Variants in CNTN5 observed in about 807,000 individuals in gnomAD.
CNTN5 encodes the protein contactin-5.
CNTN5 carries 77 observed loss-of-function variants against 129.1 expected under a neutral mutation model. The observed-to-expected ratio is 0.60, with a 90% CI of 0.50 to 0.72. The LOEUF (loss-of-function observed/expected upper bound fraction) is 0.72. Among genes scored for constraint, CNTN5 ranks in the 30% least tolerant of loss-of-function variants. The pLI is 0.00. For synonymous variants in CNTN5, 509 were observed against 465.6 expected (o/e 1.09, Z -1.20); for missense variants, 1,478 against 1,328.8 (o/e 1.11, Z -1.75).
At chr11:99,117,321 A>G (rs1360291562) in intron 1 of CNTN5, among the ~76,000 whole-genome samples, 1 of 152,190 alleles carries the variant, frequency 6.6e-6, no homozygotes, top group Non-Finnish European at 1.5e-5. Flanking sequence ...ATTAAGAAAC[A>G]GAGTATTGCC....
Position 100,294,320 on chromosome 11 carries a change from G to A in CNTN5, c.2315-3305G>A, listed in dbSNP as rs115105348. 5.4e-3 allele frequency among the ~76,000 whole-genome samples: 820 copies of A among 151,820 alleles called. 10 individuals carry two copies. The highest frequency in any genetic ancestry group is 0.019 in the African/African-American group (770 of 41,464). ...GATATTCTGCCGTGGCTAAACTAAGGTAGTACACTATATTTTTTTCATTCT... is the reference window on the plus strand; with the variant it reads ...GATATTCTGCCGTGGCTAAACTAAGATAGTACACTATATTTTTTTCATTCT... On this transcript the variant is annotated intron_variant, in intron 18 of 24. Coordinates refer to ENST00000524871, the MANE Select transcript of CNTN5 (RefSeq NM_014361.4).
At chr11:99,396,166 A>T (rs1016386932) in intron 2 of CNTN5, among the ~76,000 whole-genome samples, 17 of 107,310 alleles carry the variant, frequency 1.6e-4, no homozygotes, top group Non-Finnish European at 3.0e-4. Context: ...GACTCTTTCT[A>T]TCCATGATCA....
chr11:99,746,581 C>T (rs1235295328), intron 3 of CNTN5, among the ~76,000 whole-genome samples: 1 of 152,176 alleles, frequency 6.6e-6, no homozygotes, highest in African/African-American at 2.4e-5. Context: ...ATTAGATTCT[C>T]ACAGGAGCAG....
intron 8 of CNTN5, among the ~76,000 whole-genome samples, chr11:99,987,119 T>C (rs1377279326): frequency 1.3e-5 from 2 of 152,082 alleles, no homozygotes; most frequent in African/African-American, 4.8e-5. Context: ...AAATGAAATA[T>C]TCCCTAGCTC....
rs532806547 is a variant in CNTN5 at position 99,913,088 on chromosome 11, A to T, written c.578-2966A>T. On this transcript the variant is annotated intron_variant, in intron 6 of 24. Transcript: ENST00000524871. ...ATCTTCTTGGTACATGTAACGTGTCATCTATTAAAATAACATGATAGACAC... is the reference window on the plus strand; with the variant it reads ...ATCTTCTTGGTACATGTAACGTGTCTTCTATTAAAATAACATGATAGACAC... 3.3e-5 allele frequency among the ~76,000 whole-genome samples: 5 copies of T among 152,168 alleles called. No homozygotes were observed. The South Asian group carries it at 1.0e-3, about 32-fold the overall frequency.
At chr11:99,816,445 T>C (rs1233264839) in intron 3 of CNTN5, among the ~76,000 whole-genome samples, 1 of 152,198 alleles carries the variant, frequency 6.6e-6, no homozygotes, top group Non-Finnish European at 1.5e-5. Context: ...TCCATGTGTC[T>C]AAAACTGAAT....
intron 2 of CNTN5, among the ~76,000 whole-genome samples, chr11:99,374,342 C>T (rs912993244): frequency 3.5e-4 from 53 of 152,160 alleles, no homozygotes; most frequent in Non-Finnish European, 6.6e-4. Context: ...TCAGATACAT[C>T]GGAACCTTGG....
intron 14 of CNTN5, 126 bp from the exon 15 acceptor site, chr11:100,193,362 T>A (rs1948547903): frequency 3.7e-6 from 2 of 544,696 alleles, no homozygotes; most frequent in Non-Finnish European, 6.1e-6. Context: ...GTAAAAAAGC[T>A]GGTATATGTA....
intron 6 of CNTN5, among the ~76,000 whole-genome samples, chr11:99,903,770 C>T (rs769009443): frequency 3.9e-5 from 6 of 152,110 alleles, no homozygotes; most frequent in Non-Finnish European, 7.4e-5. Context: ...AACTATTCAT[C>T]TGACAAAGGA....
intron 23 of CNTN5, 46 bp downstream of exon 23, chr11:100,341,251 T>C: frequency 2.2e-6 from 3 of 1,362,340 alleles, no homozygotes; most frequent in Non-Finnish European, 2.1e-6. Context: ...TCTCCGAAAT[T>C]GTTATTATGA....
chr11:99,500,051 C>T (rs1215272016), intron 2 of CNTN5, among the ~76,000 whole-genome samples: 2 of 151,936 alleles, frequency 1.3e-5, no homozygotes, highest in Non-Finnish European at 2.9e-5. Flanking sequence ...TTGTAGCTTC[C>T]AATGAAATGG....
At chr11:100,102,054 T>C (rs1945241882) in intron 13 of CNTN5, among the ~76,000 whole-genome samples, 1 of 152,182 alleles carries the variant, frequency 6.6e-6, no homozygotes, top group Non-Finnish European at 1.5e-5. Flanking sequence ...GCATGTCTTT[T>C]ACATATAATG....
chr11:99,146,961 A>T (rs1177834710), intron 1 of CNTN5, among the ~76,000 whole-genome samples: 1 of 152,160 alleles, frequency 6.6e-6, no homozygotes, highest in Admixed American at 6.5e-5. Context: ...GGCTCAAGCA[A>T]TCCATGTACT....
chr11:99,340,701 G>T (rs771615544), intron 2 of CNTN5, among the ~76,000 whole-genome samples: 1 of 152,048 alleles, frequency 6.6e-6, no homozygotes, highest in African/African-American at 2.4e-5. Context: ...AAAAAGCAAA[G>T]AAAGCAAGTA....
chr11:99,466,183 A>G lies in CNTN5; in HGVS notation c.-70-89962A>G, dbSNP rs567108797. Reference sequence around the variant, plus strand: ...AGGCTTGAGCCACTGTGCCCGGCTGATGTCACTTTTAAACAACCATATCAC... The same window carrying G: ...AGGCTTGAGCCACTGTGCCCGGCTGGTGTCACTTTTAAACAACCATATCAC... On this transcript the variant is annotated intron_variant, in intron 2 of 24. Coordinates refer to ENST00000524871, the MANE Select transcript of CNTN5 (RefSeq NM_014361.4). 2.3e-4 allele frequency among the ~76,000 whole-genome samples: 35 copies of G among 151,934 alleles called. 1 individual carries two copies. In the South Asian group the frequency reaches 7.1e-3, roughly 31 times the overall value.
chr11:100,144,336 G>GTATTATGTTTATTATAAAAAC (rs1167769621), intron 13 of CNTN5, among the ~76,000 whole-genome samples: 1 of 152,002 alleles, frequency 6.6e-6, no homozygotes, highest in Non-Finnish European at 1.5e-5. Flanking sequence ...AATAAACATA[G>GTATTATGTTTATTATAAAAAC]TACCCCATAG....
At chr11:99,597,644 T>C (rs1950166964) in intron 3 of CNTN5, among the ~76,000 whole-genome samples, 2 of 152,150 alleles carry the variant, frequency 1.3e-5, no homozygotes, top group Admixed American at 1.3e-4. Flanking sequence ...GTCCTCTGCT[T>C]TCTCAGATAT....
At chr11:99,453,129 T>A (rs988105527) in intron 2 of CNTN5, among the ~76,000 whole-genome samples, 1 of 152,148 alleles carries the variant, frequency 6.6e-6, no homozygotes, top group Non-Finnish European at 1.5e-5. Flanking sequence ...AAAGTAGCAC[T>A]AAAAAGTACT....
intron 1 of CNTN5, among the ~76,000 whole-genome samples, chr11:99,321,459 G>A (rs1371165404): frequency 6.6e-6 from 1 of 151,576 alleles, no homozygotes; most frequent in Non-Finnish European, 1.5e-5. Context: ...CCATTCATTA[G>A]GCTTCTGGGT....
Sources: allele counts gnomAD v4.1 joint callset (sites outside exome capture counted in the v4.1 genomes callset), GRCh38; gene constraint gnomAD v4.1.1; transcripts MANE v1.5; gene names NCBI Gene and HGNC (gene_info 2026-07-23, HGNC 2026-07-21).